Variants in FBP2 observed in about 807,000 individuals in gnomAD.
FBP2 encodes fructose-bisphosphatase 2.
Under a neutral mutation model 31.6 loss-of-function variants are expected in FBP2, and 27 were observed. That is an observed-to-expected ratio of 0.85 (90% confidence interval 0.63 to 1.18). The LOEUF (loss-of-function observed/expected upper bound fraction) is 1.18, where lower values mean the gene tolerates loss of function less well. FBP2 is among the 50% of genes most tolerant of loss of function. The probability of loss-of-function intolerance (pLI) is 0.00; values close to 1 mark genes in which losing one functional copy is unlikely to be tolerated. For missense variants in FBP2, 421 were observed against 436.1 expected, an observed-to-expected ratio of 0.97 and a Z score of 0.31; for synonymous variants, 168 against 179.8, an observed-to-expected ratio of 0.93 and a Z score of 0.53.
At chr9:94,565,311 G>A (rs1006714287) in intron 5 of FBP2, among the ~76,000 whole-genome samples, 2 of 145,744 alleles carry the variant, frequency 1.4e-5, no homozygotes, top group Non-Finnish European at 3.0e-5. Context: ...GGAGGCGGAG[G>A]TTGCAGTGAG....
intron 5 of FBP2, among the ~76,000 whole-genome samples, chr9:94,565,309 A>C (rs2131444321): frequency 7.0e-6 from 1 of 142,708 alleles, no homozygotes; most frequent in Non-Finnish European, 1.5e-5. Flanking sequence ...AGGGAGGCGG[A>C]GGTTGCAGTG....
chr9:94,570,170 G>A (rs1266364976), intron 4 of FBP2: 1 of 152,200 alleles, frequency 6.6e-6, no homozygotes, highest in Non-Finnish European at 1.5e-5. Flanking sequence ...GAAAACAGAG[G>A]CTCTGTCTGT....
At chr9:94,574,414 G>C (rs1238103990) in intron 3 of FBP2, among the ~76,000 whole-genome samples, 1 of 151,938 alleles carries the variant, frequency 6.6e-6, no homozygotes, top group Non-Finnish European at 1.5e-5. Flanking sequence ...TTATGAGTCA[G>C]GTAAAACCTT....
chr9:94,559,278 G>A (rs567652458), intron 6 of FBP2, 146 bp from the exon 7 acceptor site: 62 of 669,818 alleles, frequency 9.3e-5, no homozygotes, highest in African/African-American at 3.4e-4. Flanking sequence ...GAGTGGGCCC[G>A]AGCTTTAGAG....
intron 5 of FBP2, among the ~76,000 whole-genome samples, chr9:94,566,842 T>C (rs1203164220): frequency 6.6e-6 from 1 of 152,226 alleles, no homozygotes; most frequent in African/African-American, 2.4e-5. Flanking sequence ...AAATAAAGTT[T>C]ATATTTTATG....
intron 3 of FBP2, 64 bp from the exon 4 acceptor site, chr9:94,571,666 G>C: frequency 1.4e-6 from 2 of 1,457,558 alleles, no homozygotes; most frequent in Non-Finnish European, 1.9e-6. Flanking sequence ...CTTTGCCAGG[G>C]GCCTGGGCTT....
chr9:94,592,445 T>C (rs1827512838), intron 1 of FBP2, among the ~76,000 whole-genome samples: 1 of 152,202 alleles, frequency 6.6e-6, no homozygotes, highest in South Asian at 2.1e-4. Context: ...TGAGTCTCTT[T>C]CATCCCCAAA....
Position 94,587,344 on chromosome 9 carries a change from T to G in FBP2, c.296A>C (p.Glu99Ala). Residue 99 changes from glutamate to alanine, a missense_variant, in exon 2 of 7, where the codon GAG (glutamate) becomes GCG (alanine). Glu to Ala is a moderately radical substitution (Grantham distance 107). Transcript: ENST00000375337. ...SYSTCVLVSEENKDAIITAKE... is the reference protein window; with the variant it reads ...SYSTCVLVSEANKDAIITAKE... Reference sequence around the variant, plus strand: ...GGCGGTGATGATGGCGTCCTTATTCTCTTCTGAGACCAGGACGCAGGTACT... The same window carrying G: ...GGCGGTGATGATGGCGTCCTTATTCGCTTCTGAGACCAGGACGCAGGTACT... 1 of 1,613,598 alleles carries G rather than the reference T, an allele frequency of 6.2e-7. No homozygotes were observed. The highest frequency in any genetic ancestry group is 1.1e-5 in the South Asian group (1 of 90,964).
At chr9:94,585,723 A>G (rs1827419974) in intron 2 of FBP2, among the ~76,000 whole-genome samples, 1 of 152,218 alleles carries the variant, frequency 6.6e-6, no homozygotes, top group Non-Finnish European at 1.5e-5. Context: ...CCTGGGCTCA[A>G]GCAATCCTCC....
intron 6 of FBP2, among the ~76,000 whole-genome samples, chr9:94,562,359 T>C (rs1445146744): frequency 3.3e-5 from 5 of 151,718 alleles, no homozygotes; most frequent in Non-Finnish European, 4.4e-5. Flanking sequence ...TGTCTTCTAC[T>C]TGCCTCACTT....
At chr9:94,573,082 T>C (rs1314244704) in intron 3 of FBP2, 1 of 152,210 alleles carries the variant, frequency 6.6e-6, no homozygotes, top group Non-Finnish European at 1.5e-5. Flanking sequence ...TGCCTTATTG[T>C]GCTGGCTACA....
intron 6 of FBP2, among the ~76,000 whole-genome samples, chr9:94,561,432 G>A (rs802919): frequency 0.38 from 52,724 of 140,344 alleles, 9,843 homozygotes; most frequent in East Asian, 0.56. Flanking sequence ...GCGCGATCTC[G>A]GCTCACTGCA....
intron 1 of FBP2, among the ~76,000 whole-genome samples, chr9:94,587,671 A>G (rs927181352): frequency 6.6e-6 from 1 of 150,662 alleles, no homozygotes. Context: ...AGTCGTTGTC[A>G]TATTTTCTTA....
intron 4 of FBP2, chr9:94,570,139 C>T (rs1827251739): frequency 6.6e-6 from 1 of 152,232 alleles, no homozygotes; most frequent in Non-Finnish European, 1.5e-5. Context: ...AGACTGGGCC[C>T]TGCTTTCATG....
chr9:94,590,195 C>G (rs1460807752), intron 1 of FBP2, among the ~76,000 whole-genome samples: 1 of 152,136 alleles, frequency 6.6e-6, no homozygotes, highest in Non-Finnish European at 1.5e-5. Context: ...GGGAAAGGGG[C>G]TCTCTAGCCC....
At chr9:94,576,120 A>C (rs1324461436) in intron 3 of FBP2, among the ~76,000 whole-genome samples, 1 of 152,224 alleles carries the variant, frequency 6.6e-6, no homozygotes, top group Non-Finnish European at 1.5e-5. Context: ...CCATGCAGCT[A>C]ATTAACAACT....
At chr9:94,581,742 C>T (rs551478375) in intron 3 of FBP2, among the ~76,000 whole-genome samples, 28 of 152,164 alleles carry the variant, frequency 1.8e-4, no homozygotes, top group Non-Finnish European at 3.8e-4. Context: ...GCCTCTTGGC[C>T]GAAGGAAATC....
chr9:94,564,513 A>G (rs756997531), intron 5 of FBP2, among the ~76,000 whole-genome samples: 4 of 152,246 alleles, frequency 2.6e-5, no homozygotes, highest in Non-Finnish European at 4.4e-5. Flanking sequence ...TTGCAGGAAC[A>G]TGGGTGGAGC....
chr9:94,589,035 C>T (rs1405939041), intron 1 of FBP2, among the ~76,000 whole-genome samples: 1 of 152,242 alleles, frequency 6.6e-6, no homozygotes, highest in Non-Finnish European at 1.5e-5. Flanking sequence ...TTTGGAGCAG[C>T]ATTCCCTGGT....
Sources: gnomAD v4.1 joint callset for allele counts (sites outside exome capture counted in the v4.1 genomes callset) on GRCh38, gnomAD v4.1.1 for gene constraint, MANE v1.5 for transcripts, NCBI Gene and HGNC (gene_info 2026-07-23, HGNC 2026-07-21) for gene names.